MFN1: variants seen among roughly 807,000 people sequenced by gnomAD.
MFN1 encodes the protein mitofusin-1.
MFN1 carries 65 observed loss-of-function variants against 92.4 expected under a neutral mutation model. The ratio of observed to expected loss-of-function variants is 0.70; its 90% CI spans 0.58 to 0.86. MFN1 has a LOEUF of 0.86. Among genes scored for constraint, MFN1 ranks in the 40% least tolerant of loss-of-function variants. The pLI, the probability that MFN1 is intolerant of heterozygous loss-of-function variation, is 0.00. For synonymous variants in MFN1, 297 were observed against 300.9 expected (o/e 0.99, Z 0.13); for missense variants, 781 against 868.0 (o/e 0.90, Z 1.26).
At chr3:179,367,928 GA>G (rs1012090362) in intron 8 of MFN1, 107 bp from the exon 9 acceptor site, 1 of 533,012 alleles carries the variant, frequency 1.9e-6, no homozygotes, top group Non-Finnish European at 2.6e-6. Context: ...TGTCTCGGGG[GA>G]AAAAGTATAT....
Position 179,358,828 on chromosome 3 carries a change from T to C in MFN1, c.249-12T>C. 1 of 1,602,796 alleles carries C rather than the reference T, an allele frequency of 6.2e-7. No individual in the cohort carries two copies. The highest frequency in any genetic ancestry group is 1.1e-5 in the South Asian group (1 of 89,682). On this transcript the variant is annotated splice_polypyrimidine_tract_variant and intron_variant, in intron 3 of 17. Transcript: ENST00000471841. ...TTATGTTTTGTTTTTCATGATTTTGTATATTCTTCAGGACAAGCAGTGGGA... is the reference window on the plus strand; with the variant it reads ...TTATGTTTTGTTTTTCATGATTTTGCATATTCTTCAGGACAAGCAGTGGGA...
rs555174938 is a variant in MFN1 at position 179,393,582 on chromosome 3, C to T, written c.*1523C>T. ...AAATATATTTTTATGCAAATTGACA[C>T]GAGTGCAGTATACTAATGCAAATTA... On this transcript the variant is annotated 3_prime_UTR_variant, in exon 18 of 18. Transcript: ENST00000471841. 9.2e-5 allele frequency: 14 copies of T among 152,244 alleles called. No individual in the cohort carries two copies. Among genetic ancestry groups the T allele is most frequent in the East Asian group, 1.9e-4 (1 of 5,188 alleles). The allele number at this position is 152,244 out of a possible 1,614,324, so 9.4% of individuals were successfully genotyped here. A position where few individuals can be genotyped will look rare whatever the true frequency, so the allele number is the denominator to read the frequency against.
At chr3:179,348,412 G>C (rs1712005851) in intron 1 of MFN1, among the ~76,000 whole-genome samples, 1 of 152,196 alleles carries the variant, frequency 6.6e-6, no homozygotes, top group Non-Finnish European at 1.5e-5. Context: ...GCCTCACATT[G>C]TGATCTTAGA....
intron 4 of MFN1, among the ~76,000 whole-genome samples, chr3:179,360,125 A>C (rs989232189): frequency 6.6e-6 from 1 of 152,182 alleles, no homozygotes; most frequent in Non-Finnish European, 1.5e-5. Flanking sequence ...CATATTGCCC[A>C]GGCTGGTCTT....
chr3:179,349,907 T>C (rs1319879950), intron 2 of MFN1, among the ~76,000 whole-genome samples: 6 of 152,078 alleles, frequency 3.9e-5, no homozygotes, highest in Non-Finnish European at 5.9e-5. Context: ...ATCCCAGCAC[T>C]TTGGGAGTCC....
At chr3:179,356,927 G>C (rs1165680087) in intron 3 of MFN1, among the ~76,000 whole-genome samples, 1 of 152,142 alleles carries the variant, frequency 6.6e-6, no homozygotes, top group East Asian at 1.9e-4. Flanking sequence ...AGGAGATGGG[G>C]GGGAACCTTA....
chr3:179,357,013 G>T (rs932115585), intron 3 of MFN1, among the ~76,000 whole-genome samples: 2 of 152,222 alleles, frequency 1.3e-5, no homozygotes, highest in Non-Finnish European at 2.9e-5. Context: ...GTCGTTGATT[G>T]GTTGCAACTT....
intron 3 of MFN1, among the ~76,000 whole-genome samples, chr3:179,357,556 A>G (rs951683135): frequency 2.0e-5 from 3 of 152,198 alleles, no homozygotes; most frequent in Non-Finnish European, 4.4e-5. Flanking sequence ...CTCTTATGCT[A>G]AAGGAAAGAG....
At chr3:179,376,782 A>G (rs552969797) in intron 10 of MFN1, 59 of 265,408 alleles carry the variant, frequency 2.2e-4, no homozygotes, top group African/African-American at 9.9e-4. Flanking sequence ...TTGCCTGTTC[A>G]TATCTATGAA....
chr3:179,365,252 GT>G, intron 7 of MFN1, 27 bp downstream of exon 7: 1 of 1,306,106 alleles, frequency 7.7e-7, no homozygotes, highest in Non-Finnish European at 1.0e-6. Flanking sequence ...TTTTTTGTAG[GT>G]TTTGAAATAC....
At chr3:179,375,016 A>G (rs766864620) in intron 9 of MFN1, among the ~76,000 whole-genome samples, 1 of 152,252 alleles carries the variant, frequency 6.6e-6, no homozygotes, top group Non-Finnish European at 1.5e-5. Flanking sequence ...CAAAGATGGT[A>G]ACTTGCTGCT....
At position 179,364,421 on chromosome 3, in the gene MFN1, A is replaced by AT; in HGVS notation, c.645+18dup. ...AATGAATACGGTAGGATTTAATCAT[A>AT]TTATTGTGTTTCGATGGTAGGAAAT... On this transcript the variant is annotated intron_variant, in intron 6 of 17. Transcript: ENST00000471841. 2 of 1,540,434 alleles carry AT rather than the reference A, an allele frequency of 1.3e-6. No individual in the cohort carries two copies. The highest frequency in any genetic ancestry group is 1.8e-6 in the Non-Finnish European group (2 of 1,115,014).
Position 179,355,301 on chromosome 3 carries a change from C to A in MFN1, c.248+3266C>A, listed in dbSNP as rs567845242. On this transcript the variant is annotated intron_variant, in intron 3 of 17. Coordinates refer to ENST00000471841, the MANE Select transcript of MFN1 (RefSeq NM_033540.3). The stretch of plus-strand genomic sequence containing the variant: ...CTTTGTGACCTGTATATTGTGCCAA[C>A]CTCCTATCTCATTCTGTGACTTAAA... Among the ~76,000 whole-genome samples, 216 of 152,230 alleles carry A rather than the reference C, an allele frequency of 1.4e-3. 1 individual carries two copies. The highest frequency in any genetic ancestry group is 0.01 in the Middle Eastern group (3 of 294).
chr3:179,370,305 A>G (rs1189442433), intron 9 of MFN1, among the ~76,000 whole-genome samples: 5 of 151,594 alleles, frequency 3.3e-5, no homozygotes, highest in East Asian at 1.9e-4. Context: ...GGGTTTGCCA[A>G]TGATTTATCA....
intron 4 of MFN1, among the ~76,000 whole-genome samples, chr3:179,359,568 G>A (rs1007621614): frequency 2.4e-4 from 35 of 144,926 alleles, no homozygotes; most frequent in African/African-American, 8.8e-4. Flanking sequence ...TTACAGGTGC[G>A]CACCATCATG....
intron 2 of MFN1, 31 bp from the exon 3 acceptor site, chr3:179,351,869 T>C: frequency 1.3e-6 from 2 of 1,577,586 alleles, no homozygotes; most frequent in Non-Finnish European, 1.7e-6. Context: ...TTCATTTATA[T>C]CACTTTTCTA....
At chr3:179,386,121 T>C (rs965344309) in intron 15 of MFN1, among the ~76,000 whole-genome samples, 10 of 152,338 alleles carry the variant, frequency 6.6e-5, no homozygotes, top group African/African-American at 1.7e-4. Flanking sequence ...AAAATGTATA[T>C]CATTAACAGC....
chr3:179,371,615 T>C (rs1051255496), intron 9 of MFN1, among the ~76,000 whole-genome samples: 1 of 152,254 alleles, frequency 6.6e-6, no homozygotes, highest in African/African-American at 2.4e-5. Context: ...TGGACTGCAT[T>C]GTTCTAAAGG....
At chr3:179,360,361 A>G (rs2108530146) in intron 4 of MFN1, among the ~76,000 whole-genome samples, 1 of 152,252 alleles carries the variant, frequency 6.6e-6, no homozygotes, top group East Asian at 1.9e-4. Context: ...TCTTTTTGAA[A>G]CAGAATTGCT....
Sources: gnomAD v4.1 joint callset for allele counts (sites outside exome capture counted in the v4.1 genomes callset) on GRCh38, gnomAD v4.1.1 for gene constraint, MANE v1.5 for transcripts, NCBI Gene and HGNC (gene_info 2026-07-23, HGNC 2026-07-21) for gene names.